Variants in CACNA2D4 observed in about 807,000 individuals in gnomAD.
CACNA2D4 encodes the protein voltage-dependent calcium channel subunit alpha-2/delta-4.
In CACNA2D4, 157 loss-of-function variants were observed where a neutral mutation model predicts 163.8. That is an observed-to-expected ratio of 0.96 (90% CI 0.84 to 1.09). The LOEUF (loss-of-function observed/expected upper bound fraction) is 1.09, where lower values mean the gene tolerates loss of function less well. CACNA2D4 is among the 50% of genes least tolerant of loss of function. CACNA2D4 has a pLI of 0.00. For synonymous variants in CACNA2D4, 598 were observed against 586.9 expected, an observed-to-expected ratio of 1.02 and a Z score of -0.27; for missense variants, 1,410 against 1,479.9, an observed-to-expected ratio of 0.95 and a Z score of 0.78.
At chr12:1,914,043 C>T (rs914580918) in intron 2 of CACNA2D4, among the ~76,000 whole-genome samples, 1 of 152,188 alleles carries the variant, frequency 6.6e-6, no homozygotes. Flanking sequence ...TGTGGGGGCC[C>T]GGGGAGCCGC....
At chr12:1,871,942 C>A (rs909497496) in intron 18 of CACNA2D4, among the ~76,000 whole-genome samples, 2 of 152,224 alleles carry the variant, frequency 1.3e-5, no homozygotes, top group African/African-American at 4.8e-5. Flanking sequence ...GACTCCAGGA[C>A]ACTTTGCTCT....
At chr12:1,800,332 C>T (rs1457528854) in intron 32 of CACNA2D4, 54 bp downstream of exon 32, 1 of 1,591,896 alleles carries the variant, frequency 6.3e-7, no homozygotes, top group South Asian at 1.1e-5. Context: ...GGACACCCTC[C>T]TAAGCCACCC....
intron 18 of CACNA2D4, among the ~76,000 whole-genome samples, chr12:1,864,182 C>A (rs2108640): frequency 0.57 from 86,979 of 152,104 alleles, 25,216 homozygotes; most frequent in Non-Finnish European, 0.62. Flanking sequence ...AACGGTGAGC[C>A]GACCTTCAGG....
rs1863965049 is a variant in CACNA2D4, at chr12:1,818,565, G to C, written c.2552-6842C>G. Among the ~76,000 whole-genome samples the C allele has an allele frequency of 1.3e-5, 2 of 151,380 alleles. 1 individual carries two copies. The highest frequency in any genetic ancestry group is 1.3e-4 in the Admixed American group (2 of 15,246). On this transcript the variant is annotated intron_variant, in intron 26 of 37. Coordinates refer to ENST00000382722, the MANE Select transcript of CACNA2D4 (RefSeq NM_172364.5). ...GATGTGCTTTGTTAAACAGATGCTT[G>C]AAGGCAGCATGCTCGTTAAAAGTCA...
Position 1,799,524 on chromosome 12 carries a change from C to T in CACNA2D4, c.2995+151G>A. On this transcript the variant is annotated intron_variant, in intron 34 of 37. Transcript: ENST00000382722. This position sits in a 1 kb window ranked among gnomAD's most constrained non-coding sequence, Gnocchi z 4.7. ...GAGAACTGGGCTAGACTCCCCAGTC[C>T]CCCAACCCCCAGGAATGGTACTTTA... The T allele has an allele frequency of 2.4e-6, 2 of 828,804 alleles. No homozygotes were observed. The allele number at this position is 828,804 out of a possible 1,614,324, so 51.3% of individuals were successfully genotyped here.
At chr12:1,821,783 C>T (rs897065513) in intron 26 of CACNA2D4, among the ~76,000 whole-genome samples, 2 of 152,176 alleles carry the variant, frequency 1.3e-5, no homozygotes, top group Non-Finnish European at 2.9e-5. Flanking sequence ...CACATTCCTG[C>T]ACCTCCCTGC....
chr12:1,793,951 G>C (rs549370033), intron 37 of CACNA2D4, among the ~76,000 whole-genome samples, 192 bp from the exon 38 acceptor site: 8 of 152,156 alleles, frequency 5.3e-5, no homozygotes, highest in African/African-American at 1.4e-4. Flanking sequence ...AGCCTGGGAG[G>C]GGGGCACCGG....
intron 23 of CACNA2D4, among the ~76,000 whole-genome samples, chr12:1,853,382 T>G (rs1211460413): frequency 2.6e-5 from 4 of 152,208 alleles, no homozygotes; most frequent in Non-Finnish European, 5.9e-5. Flanking sequence ...TAGTATCTAA[T>G]TATGTGCTTA....
At chr12:1,807,739 C>T (rs550572583) in intron 29 of CACNA2D4, among the ~76,000 whole-genome samples, 32 of 152,130 alleles carry the variant, frequency 2.1e-4, no homozygotes, top group African/African-American at 6.7e-4. Context: ...TCCCATAACC[C>T]GACACAGTTC....
intron 31 of CACNA2D4, 76 bp from the exon 32 acceptor site, chr12:1,800,514 C>A: frequency 1.4e-6 from 2 of 1,461,318 alleles, no homozygotes; most frequent in Non-Finnish European, 1.9e-6. Flanking sequence ...ACCAGCACCA[C>A]CCTCAGAGAG....
intron 23 of CACNA2D4, among the ~76,000 whole-genome samples, chr12:1,849,075 CCT>C (rs1006953051): frequency 6.6e-5 from 10 of 152,264 alleles, no homozygotes; most frequent in Admixed American, 5.9e-4. Context: ...ATTTCCTGCC[CCT>C]GTCCTGGAAT....
intron 6 of CACNA2D4, among the ~76,000 whole-genome samples, chr12:1,893,187 A>G (rs1565733016): frequency 1.3e-5 from 2 of 152,220 alleles, no homozygotes; most frequent in Non-Finnish European, 1.5e-5. Context: ...CAGAATGCAC[A>G]TTATTCTCAC....
intron 29 of CACNA2D4, among the ~76,000 whole-genome samples, chr12:1,804,177 C>T (rs755661821): frequency 2.0e-5 from 3 of 149,956 alleles, no homozygotes; most frequent in South Asian, 2.1e-4. Context: ...CCTCCGTCAC[C>T]CCCTCACCTG....
intron 22 of CACNA2D4, among the ~76,000 whole-genome samples, chr12:1,854,682 A>G (rs990833241): frequency 6.6e-6 from 1 of 152,190 alleles, no homozygotes; most frequent in Non-Finnish European, 1.5e-5. Context: ...CTGGCATTAT[A>G]GGCATGAGCC....
chr12:1,805,051 G>C (rs181789806), intron 29 of CACNA2D4, among the ~76,000 whole-genome samples: 1 of 152,320 alleles, frequency 6.6e-6, no homozygotes, highest in East Asian at 1.9e-4. Context: ...CGCCCGTGGA[G>C]TGGCACCCAA....
rs1394704414 is a variant in CACNA2D4 at position 1,857,652 on chromosome 12, T to C, written c.2008+925A>G. On this transcript the variant is annotated intron_variant, in intron 20 of 37. Coordinates refer to ENST00000382722, the MANE Select transcript of CACNA2D4 (RefSeq NM_172364.5). ...GATAGGTTGTGGTCTCCTAAGGTGA[T>C]TGGGCCACAGTAAGTCACCGGCAGG... is the stretch of plus-strand genomic sequence containing the variant. Among the ~76,000 whole-genome samples, 3 of 152,266 alleles carry C rather than the reference T, an allele frequency of 2.0e-5. 1 individual carries two copies. The highest frequency in any genetic ancestry group is 6.8e-3 in the Middle Eastern group (2 of 294).
chr12:1,868,860 C>T (rs574895430), intron 18 of CACNA2D4, among the ~76,000 whole-genome samples: 1 of 152,170 alleles, frequency 6.6e-6, no homozygotes, highest in Non-Finnish European at 1.5e-5. Context: ...TGTCATTATC[C>T]CTTAAACAAT....
Position 1,795,364 on chromosome 12 carries a change from A to T in CACNA2D4, c.3244T>A (p.Cys1082Ser), listed in dbSNP as rs373800563. The T allele has an allele frequency of 1.1e-5, 18 of 1,611,718 alleles. No homozygotes were observed. Among genetic ancestry groups the T allele is most frequent in the Non-Finnish European group, 1.5e-5 (18 of 1,179,824 alleles). ...AGCTTCTGGGAGCGCATCCGGTCAC[A>T]TTTGACAGAGGCATTATGTGCAGAA... ...TEVKYNASVK[C>S]DRMRSQKLRR... is the part of the protein sequence containing the mutation. The change falls in exon 37 of 38, where the codon TGT becomes AGT. Residue 1082 changes from cysteine (C) to serine (S), a missense_variant. By Grantham distance (112) the Cys-to-Ser change is moderately radical. Transcript: ENST00000382722.
intron 6 of CACNA2D4, among the ~76,000 whole-genome samples, chr12:1,890,570 C>G (rs899066079): frequency 2.0e-5 from 3 of 152,230 alleles, no homozygotes; most frequent in Non-Finnish European, 4.4e-5. Context: ...CGCCAGCCGC[C>G]TGCATCTGGC....
Sources: allele counts gnomAD v4.1 joint callset (sites outside exome capture counted in the v4.1 genomes callset), GRCh38; gene constraint gnomAD v4.1.1; non-coding constraint Gnocchi (gnomAD v3.1); transcripts MANE v1.5; gene names NCBI Gene and HGNC (gene_info 2026-07-23, HGNC 2026-07-21).